The following BRIP1 variants were observed in gnomAD, a reference collection of about 807,000 sequenced individuals.
BRIP1 encodes BRCA1 interacting DNA helicase 1.
In BRIP1, 88 loss-of-function variants were observed where a neutral mutation model predicts 119.7. The observed-to-expected ratio is 0.74, with a 90% CI of 0.62 to 0.88. The LOEUF (loss-of-function observed/expected upper bound fraction) is 0.88. Ranked by LOEUF, BRIP1 falls within the 40% of genes least tolerant of loss-of-function variation. The pLI is 0.00. For synonymous variants in BRIP1, 443 were observed against 496.5 expected (o/e 0.89, Z 1.43); for missense variants, 1,259 against 1,455.4 (o/e 0.87, Z 2.20).
At position 61,743,479 on chromosome 17, in the gene BRIP1, C is replaced by A. The variant is rs141792741; in HGVS notation, c.2258-345G>T. ...TGAAGTTGCATTATTACCTTTACCA[C>A]CTGAAAGTAAAATTCTCAGAATAAT... On this transcript the variant is annotated intron_variant, in intron 15 of 19. Coordinates refer to ENST00000259008, the MANE Select transcript of BRIP1 (RefSeq NM_032043.3). The surrounding 1 kb of genome is among the most constrained non-coding windows in gnomAD (Gnocchi z 4.3). Among the ~76,000 whole-genome samples, 100 of 152,020 alleles carry A rather than the reference C, an allele frequency of 6.6e-4. No homozygotes were observed. The East Asian group carries it at 0.018, about 27-fold the overall frequency.
In BRIP1 at chr17:61,734,331, T is replaced by G. The variant is rs1281392608; in HGVS notation, c.2379+8682A>C. On this transcript the variant is annotated intron_variant, in intron 16 of 19. Coordinates refer to ENST00000259008, the MANE Select transcript of BRIP1 (RefSeq NM_032043.3). This position sits in a 1 kb window ranked among gnomAD's most constrained non-coding sequence, Gnocchi z 5.2. ...ATACTTTTCCATCGACATCTAGTCATATAAAAGCCTTGGTTCATTCTCATG... is the reference window on the plus strand; with the variant it reads ...ATACTTTTCCATCGACATCTAGTCAGATAAAAGCCTTGGTTCATTCTCATG... Among the ~76,000 whole-genome samples, 1 of 152,252 alleles carries G rather than the reference T, an allele frequency of 6.6e-6. No homozygotes were observed. The highest frequency in any genetic ancestry group is 1.5e-5 in the Non-Finnish European group (1 of 68,042).
In BRIP1 at chr17:61,831,909, C is replaced by G. The variant is rs972376138; in HGVS notation, c.627+15192G>C. On this transcript the variant is annotated intron_variant, in intron 6 of 19. Transcript: ENST00000259008. The surrounding 1 kb of genome is among the most constrained non-coding windows in gnomAD (Gnocchi z 4.1). Reference sequence around the variant, plus strand: ...TATTGGTATAAACACTCATAATTTTCAGTGTACAGACAGACAGATACAGAA... The same window carrying G: ...TATTGGTATAAACACTCATAATTTTGAGTGTACAGACAGACAGATACAGAA... Among the ~76,000 whole-genome samples the G allele has an allele frequency of 1.3e-5, 2 of 152,092 alleles. No individual in the cohort carries two copies. The highest frequency in any genetic ancestry group is 4.8e-5 in the African/African-American group (2 of 41,406).
Position 61,739,743 on chromosome 17 carries a change from TAATC to T in BRIP1, c.2379+3266_2379+3269del, listed in dbSNP as rs2076962857. On this transcript the variant is annotated intron_variant, in intron 16 of 19. Transcript: ENST00000259008. The surrounding 1 kb of genome is among the most constrained non-coding windows in gnomAD (Gnocchi z 6.0). ...ATCCTAGGGGGAGGGATATAGGTCA[TAATC>T]AATAAGTCAGCTCAGTGGTCAGAAA... Among the ~76,000 whole-genome samples the T allele has an allele frequency of 6.6e-6, 1 of 152,184 alleles. No homozygotes were observed. Among genetic ancestry groups the T allele is most frequent in the Admixed American group, 6.5e-5 (1 of 15,282 alleles).
At chr17:61,855,871 C>A (rs1411235082) in intron 4 of BRIP1, among the ~76,000 whole-genome samples, 1 of 151,994 alleles carries the variant, frequency 6.6e-6, no homozygotes, top group Non-Finnish European at 1.5e-5. Flanking sequence ...TTTAGACAGA[C>A]ACATATAATA....
chr17:61,714,800 ATTTT>A (rs35246906), intron 17 of BRIP1, among the ~76,000 whole-genome samples: 4 of 129,040 alleles, frequency 3.1e-5, no homozygotes, highest in Non-Finnish European at 3.3e-5. Flanking sequence ...TGATTTGCTA[ATTTT>A]TTTTTTTTTT....
rs1329203819 is a variant in BRIP1 at position 61,693,779 on chromosome 17, T to G, written c.2493-267A>C. Among the ~76,000 whole-genome samples the G allele has an allele frequency of 2.0e-5, 3 of 152,182 alleles. No homozygotes were observed. Among genetic ancestry groups the G allele is most frequent in the Non-Finnish European group, 4.4e-5 (3 of 68,010 alleles). On this transcript the variant is annotated intron_variant, in intron 17 of 19. Coordinates refer to ENST00000259008, the MANE Select transcript of BRIP1 (RefSeq NM_032043.3). The surrounding 1 kb of genome is among the most constrained non-coding windows in gnomAD (Gnocchi z 4.2). ...CAAGAAAATTATAGAAAATATATTC[T>G]AAGATCTTTCTTAGCCACATAGACT...
At chr17:61,765,020 T>A (rs922524889) in intron 14 of BRIP1, among the ~76,000 whole-genome samples, 6 of 151,894 alleles carry the variant, frequency 4.0e-5, no homozygotes, top group Non-Finnish European at 7.4e-5. Flanking sequence ...ATAAAGGAGC[T>A]TTTTCTTTCT....
At position 61,843,006 on chromosome 17, in the gene BRIP1, G is replaced by A. The variant is rs2078678883; in HGVS notation, c.627+4095C>T. Among the ~76,000 whole-genome samples the A allele has an allele frequency of 6.6e-6, 1 of 152,184 alleles. No homozygotes were observed. The highest frequency in any genetic ancestry group is 2.1e-4 in the South Asian group (1 of 4,826). On this transcript the variant is annotated intron_variant, in intron 6 of 19. Transcript: ENST00000259008. This position sits in a 1 kb window ranked among gnomAD's most constrained non-coding sequence, Gnocchi z 5.7. ...TGGATGAATAAAGAAAATGTGGTGT[G>A]TATGTGTATGTCAATGGAATATTAG...
Position 61,726,766 on chromosome 17 carries a change from A to C in BRIP1, c.2380-10703T>G, listed in dbSNP as rs1300958683. The stretch of plus-strand genomic sequence containing the variant: ...ACATTAGCACTCTTTAATATCCTCC[A>C]TAATACTTTTTGGTCACTTTTCAAC... On this transcript the variant is annotated intron_variant, in intron 16 of 19. Coordinates refer to ENST00000259008, the MANE Select transcript of BRIP1 (RefSeq NM_032043.3). This position sits in a 1 kb window ranked among gnomAD's most constrained non-coding sequence, Gnocchi z 6.2. Among the ~76,000 whole-genome samples the C allele has an allele frequency of 6.6e-6, 1 of 152,214 alleles. No homozygotes were observed.
chr17:61,820,022 C>G (rs1417936832), intron 6 of BRIP1, among the ~76,000 whole-genome samples: 2 of 149,962 alleles, frequency 1.3e-5, no homozygotes, highest in African/African-American at 4.9e-5. Flanking sequence ...TATGTACCCA[C>G]CAAAATTAAA....
chr17:61,831,957 T>G lies in BRIP1; in HGVS notation c.627+15144A>C, dbSNP rs1319165335. Among the ~76,000 whole-genome samples, 1 of 152,172 alleles carries G rather than the reference T, an allele frequency of 6.6e-6. No homozygotes were observed. Among genetic ancestry groups the G allele is most frequent in the East Asian group, 1.9e-4 (1 of 5,198 alleles). Reference sequence around the variant, plus strand: ...GAAAAAATATAGACATAAATGTATATGTCTATGAGTCTGGGTTTGTGTACA... The same window carrying G: ...GAAAAAATATAGACATAAATGTATAGGTCTATGAGTCTGGGTTTGTGTACA... On this transcript the variant is annotated intron_variant, in intron 6 of 19. Transcript: ENST00000259008. This position sits in a 1 kb window ranked among gnomAD's most constrained non-coding sequence, Gnocchi z 4.1.
In BRIP1 at chr17:61,861,940, G is replaced by C. The variant is rs2078979966; in HGVS notation, c.-30-371C>G. ...TAAACATGAGCTCTTGTAACAGTTA[G>C]ATCAGATGTAATCAACCTACAGAAA... On this transcript the variant is annotated intron_variant, in intron 1 of 19. Transcript: ENST00000259008. The surrounding 1 kb of genome is among the most constrained non-coding windows in gnomAD (Gnocchi z 4.5). 1 of 261,250 alleles carries C rather than the reference G, an allele frequency of 3.8e-6. No individual in the cohort carries two copies. Among genetic ancestry groups the C allele is most frequent in the Non-Finnish European group, 7.5e-6 (1 of 133,892 alleles). The allele number at this position is 261,250 out of a possible 1,614,324, so 16.2% of individuals were successfully genotyped here. A position where few individuals can be genotyped will look rare whatever the true frequency, so the allele number is the denominator to read the frequency against.
chr17:61,761,312 G>C lies in BRIP1; in HGVS notation c.2097+15089C>G, dbSNP rs1010968443. Among the ~76,000 whole-genome samples the C allele has an allele frequency of 6.6e-6, 1 of 151,874 alleles. No individual in the cohort carries two copies. The highest frequency in any genetic ancestry group is 2.4e-5 in the African/African-American group (1 of 41,390). On this transcript the variant is annotated intron_variant, in intron 14 of 19. Transcript: ENST00000259008. The surrounding 1 kb of genome is among the most constrained non-coding windows in gnomAD (Gnocchi z 6.4). ...ACCACACTTAACATTATATTCAATG[G>C]TGAAAAAATTGAAAGCCTTACCTCT...
In BRIP1 at chr17:61,789,568, A is replaced by G. The variant is rs1165900864; in HGVS notation, c.1473+4029T>C. Among the ~76,000 whole-genome samples the G allele has an allele frequency of 6.6e-6, 1 of 152,134 alleles. No homozygotes were observed. Among genetic ancestry groups the G allele is most frequent in the Non-Finnish European group, 1.5e-5 (1 of 68,020 alleles). ...AAGACTGCTTAAAGTAAATTCAAAAACCACAATTCATAAGGGATGTTCATA... is the reference window on the plus strand; with the variant it reads ...AAGACTGCTTAAAGTAAATTCAAAAGCCACAATTCATAAGGGATGTTCATA... On this transcript the variant is annotated intron_variant, in intron 10 of 19. Transcript: ENST00000259008. This position sits in a 1 kb window ranked among gnomAD's most constrained non-coding sequence, Gnocchi z 4.8.
Position 61,845,979 on chromosome 17 carries a change from G to A in BRIP1, c.627+1122C>T, listed in dbSNP as rs370187617. Among the ~76,000 whole-genome samples, 4 of 151,934 alleles carry A rather than the reference G, an allele frequency of 2.6e-5. No individual in the cohort carries two copies. The highest frequency in any genetic ancestry group is 9.7e-5 in the African/African-American group (4 of 41,372). ...GGGCGGATCACGAGGTCAGAAGATCGAGACCATCCTGGCTAACGTGGTGAA... is the reference window on the plus strand; with the variant it reads ...GGGCGGATCACGAGGTCAGAAGATCAAGACCATCCTGGCTAACGTGGTGAA... On this transcript the variant is annotated intron_variant, in intron 6 of 19. Transcript: ENST00000259008. This position sits in a 1 kb window ranked among gnomAD's most constrained non-coding sequence, Gnocchi z 4.2.
chr17:61,772,416 G>T (rs2077469351), intron 14 of BRIP1, among the ~76,000 whole-genome samples: 1 of 151,668 alleles, frequency 6.6e-6, no homozygotes, highest in Non-Finnish European at 1.5e-5. Flanking sequence ...AGGAATCTGG[G>T]GAGTTATTTT....
rs1031424295 is a variant in BRIP1, at chr17:61,708,866, A to G, written c.2492+7085T>C. Among the ~76,000 whole-genome samples, 3 of 152,170 alleles carry G rather than the reference A, an allele frequency of 2.0e-5. No homozygotes were observed. The highest frequency in any genetic ancestry group is 4.8e-5 in the African/African-American group (2 of 41,440). On this transcript the variant is annotated intron_variant, in intron 17 of 19. Coordinates refer to ENST00000259008, the MANE Select transcript of BRIP1 (RefSeq NM_032043.3). This position sits in a 1 kb window ranked among gnomAD's most constrained non-coding sequence, Gnocchi z 4.4. ...TAAAAAGGAATTCTACACGCTTGGTAGATGTAAGACTGATTGTCAGCCTAC... is the reference window on the plus strand; with the variant it reads ...TAAAAAGGAATTCTACACGCTTGGTGGATGTAAGACTGATTGTCAGCCTAC...
At position 61,816,711 on chromosome 17, in the gene BRIP1, C is replaced by T. The variant is rs1474695212; in HGVS notation, c.628-7954G>A. 1.3e-5 allele frequency among the ~76,000 whole-genome samples: 2 copies of T among 151,516 alleles called. No individual in the cohort carries two copies. The highest frequency in any genetic ancestry group is 1.5e-5 in the Non-Finnish European group (1 of 67,934). On this transcript the variant is annotated intron_variant, in intron 6 of 19. Transcript: ENST00000259008. The surrounding 1 kb of genome is among the most constrained non-coding windows in gnomAD (Gnocchi z 5.0). ...GTCTCAAAGCAGTGATGAGTCACAC[C>T]GATCAACTTCATGAGAAAAACCCAG...
In BRIP1 at chr17:61,761,425, A is replaced by G. The variant is rs2144849424; in HGVS notation, c.2097+14976T>C. 6.6e-6 allele frequency among the ~76,000 whole-genome samples: 1 copy of G among 152,156 alleles called. No individual in the cohort carries two copies. Among genetic ancestry groups the G allele is most frequent in the East Asian group, 1.9e-4 (1 of 5,192 alleles). On this transcript the variant is annotated intron_variant, in intron 14 of 19. Coordinates refer to ENST00000259008, the MANE Select transcript of BRIP1 (RefSeq NM_032043.3). This position sits in a 1 kb window ranked among gnomAD's most constrained non-coding sequence, Gnocchi z 6.4. ...CCTTGCCAGAAAAATTTAGAAAGAG[A>G]AAGAAATAAAAAGCATCCAAATAGA...
Sources: gnomAD v4.1 joint callset for allele counts (sites outside exome capture counted in the v4.1 genomes callset) on GRCh38, gnomAD v4.1.1 for gene constraint, Gnocchi (gnomAD v3.1) non-coding constraint, MANE v1.5 for transcripts, NCBI Gene and HGNC (gene_info 2026-07-23, HGNC 2026-07-21) for gene names.